The following ADGRL4 variants were observed in gnomAD, a reference collection of about 807,000 sequenced individuals.
The protein encoded by ADGRL4 is adhesion G protein-coupled receptor L4, also known as EGF, latrophilin and seven transmembrane domain containing 1.
In ADGRL4, 90 loss-of-function variants were observed where a neutral mutation model predicts 74.8. The observed-to-expected ratio is 1.20, with a 90% CI of 1.02 to 1.43. ADGRL4 has a LOEUF of 1.43. Ranked by LOEUF, ADGRL4 falls within the 40% of genes most tolerant of loss-of-function variation. The pLI, the probability that ADGRL4 is intolerant of heterozygous loss-of-function variation, is 0.00. For missense variants in ADGRL4, 881 were observed against 814.3 expected, an observed-to-expected ratio of 1.08 and a Z score of -1.00; for synonymous variants, 311 against 279.2, an observed-to-expected ratio of 1.11 and a Z score of -1.14.
chr1:79,006,111 A>G (rs12032432), intron 1 of ADGRL4, among the ~76,000 whole-genome samples: 60,153 of 152,108 alleles, frequency 0.4, 12,802 homozygotes, highest in Middle Eastern at 0.49. Context: ...GCATGAGGTC[A>G]TTGTTCTGAA....
chr1:78,962,679 T>C (rs563903242), intron 2 of ADGRL4, among the ~76,000 whole-genome samples: 2 of 152,202 alleles, frequency 1.3e-5, no homozygotes, highest in Non-Finnish European at 2.9e-5. Context: ...TTTTGTTTCA[T>C]ATATAGAGAT....
chr1:78,970,796 T>G (rs1218502031), intron 2 of ADGRL4, among the ~76,000 whole-genome samples: 2 of 152,202 alleles, frequency 1.3e-5, no homozygotes, highest in Non-Finnish European at 2.9e-5. Flanking sequence ...GTCTCAGTAC[T>G]ATGGGACACT....
chr1:78,931,602 G>A (rs759165046), intron 7 of ADGRL4, among the ~76,000 whole-genome samples: 1 of 151,314 alleles, frequency 6.6e-6, no homozygotes, highest in Non-Finnish European at 1.5e-5. Flanking sequence ...AGTGTAAGTA[G>A]GCTAAATGCC....
chr1:78,926,939 G>A lies in ADGRL4; in HGVS notation c.1030C>T (p.Pro344Ser). The A allele has an allele frequency of 6.2e-7, 1 of 1,611,998 alleles. No homozygotes were observed. Among genetic ancestry groups the A allele is most frequent in the Non-Finnish European group, 8.5e-7 (1 of 1,178,828 alleles). ...TTTTCAAGTTCATATAATGTGGGTG[G>A]GTTTGAGCTCATTGAGACTGAAATT... is the stretch of plus-strand genomic sequence containing the variant. ...SVISVSMSSNPPTLYELEKIT... is the reference protein window; with the variant it reads ...SVISVSMSSNSPTLYELEKIT... Residue 344 changes from proline to serine, a missense_variant, in exon 8 of 15, where the codon CCA becomes TCA. Pro to Ser is a moderately conservative substitution (Grantham distance 74, BLOSUM62 -1). Transcript: ENST00000370742.
chr1:78,937,427 A>G (rs550726853), intron 6 of ADGRL4, among the ~76,000 whole-genome samples: 2 of 152,374 alleles, frequency 1.3e-5, no homozygotes, highest in Admixed American at 1.3e-4. Flanking sequence ...CCTGGGTGAC[A>G]GAGCCAGACT....
chr1:78,997,697 T>C (rs1189111591), intron 2 of ADGRL4, among the ~76,000 whole-genome samples: 3 of 152,222 alleles, frequency 2.0e-5, no homozygotes, highest in Non-Finnish European at 4.4e-5. Flanking sequence ...CATCTAGGTG[T>C]TTATATTGTT....
At chr1:78,943,457 CA>C (rs1261281251) in intron 3 of ADGRL4, among the ~76,000 whole-genome samples, 8 of 152,252 alleles carry the variant, frequency 5.3e-5, no homozygotes, top group African/African-American at 1.7e-4. Context: ...CTTTCTGCAG[CA>C]AAATGAACTT....
chr1:78,913,939 T>C (rs1300116832), intron 12 of ADGRL4, among the ~76,000 whole-genome samples: 3 of 151,900 alleles, frequency 2.0e-5, no homozygotes, highest in Non-Finnish European at 4.4e-5. Flanking sequence ...ATTTGTTTAG[T>C]AGTTAATGAC....
At chr1:78,900,100 C>A (rs1648486915) in intron 12 of ADGRL4, among the ~76,000 whole-genome samples, 1 of 151,942 alleles carries the variant, frequency 6.6e-6, no homozygotes, top group Non-Finnish European at 1.5e-5. Flanking sequence ...GAAAAGACAC[C>A]AACAGCTGTT....
At chr1:78,962,698 T>A (rs116084154) in intron 2 of ADGRL4, among the ~76,000 whole-genome samples, 3,849 of 152,316 alleles carry the variant, frequency 0.025, 73 homozygotes, top group South Asian at 0.053. Flanking sequence ...ATGAAAATAG[T>A]TTTTATTTGC....
chr1:78,988,579 A>G lies in ADGRL4; in HGVS notation c.172+16491T>C, dbSNP rs1264876313. 2.0e-5 allele frequency among the ~76,000 whole-genome samples: 3 copies of G among 151,836 alleles called. No homozygotes were observed. The East Asian group carries it at 5.8e-4, about 29-fold the overall frequency. On this transcript the variant is annotated intron_variant, in intron 2 of 14. Coordinates refer to ENST00000370742, the MANE Select transcript of ADGRL4 (RefSeq NM_022159.4). ...AATCTATCTTTGTTCAAGATAAAAT[A>G]CTACACTGATGAATGCCTCAACAGC...
intron 2 of ADGRL4, among the ~76,000 whole-genome samples, chr1:78,976,436 CAAAA>C (rs1650283996): frequency 1.3e-5 from 2 of 151,264 alleles, no homozygotes; most frequent in African/African-American, 4.9e-5. Context: ...ATTAAGAAAA[CAAAA>C]TAAAATGAAA....
chr1:78,962,309 C>T (rs751377476), intron 2 of ADGRL4, among the ~76,000 whole-genome samples: 3 of 152,158 alleles, frequency 2.0e-5, no homozygotes, highest in Non-Finnish European at 4.4e-5. Context: ...GACACTCCTA[C>T]ATATTTTTTC....
At position 78,936,308 on chromosome 1, in the gene ADGRL4, T is replaced by C. The variant is rs571774997; in HGVS notation, c.864A>G (p.Ala288=). 1.4e-5 allele frequency: 22 copies of C among 1,594,148 alleles called. No individual in the cohort carries two copies. Among genetic ancestry groups the C allele is most frequent in the South Asian group, 4.6e-5 (4 of 87,252 alleles). ...TTAAAGTCCTACCATTTGAATCATA[T>C]GCAGCTTTTCTCTTTGGAAATATAT... is the stretch of plus-strand genomic sequence containing the variant. ...YINIFPKRKA[A]YDSNGNVAVA... Residue 288 remains alanine, a synonymous_variant, in exon 7 of 15, where the codon GCA becomes GCG. Coordinates refer to ENST00000370742, the MANE Select transcript of ADGRL4 (RefSeq NM_022159.4).
chr1:78,907,858 T>C (rs977471340), intron 12 of ADGRL4, among the ~76,000 whole-genome samples: 2 of 151,966 alleles, frequency 1.3e-5, no homozygotes, highest in African/African-American at 4.8e-5. Flanking sequence ...CATGCACTTC[T>C]AGGTAAAGTA....
At chr1:78,946,232 T>A in intron 3 of ADGRL4, 42 bp downstream of exon 3, 1 of 1,538,392 alleles carries the variant, frequency 6.5e-7, no homozygotes, top group South Asian at 1.3e-5. Flanking sequence ...TAACAAACAA[T>A]AAGAGATATA....
chr1:78,902,488 AGGTAATACAATTAGGG>A (rs371193403), intron 12 of ADGRL4, among the ~76,000 whole-genome samples: 2,598 of 152,250 alleles, frequency 0.017, 91 homozygotes, highest in African/African-American at 0.06. Context: ...AACTTGCCCA[AGGTAATACAATTAGGG>A]GGTAACAGAG....
chr1:78,983,201 C>T (rs1161214097), intron 2 of ADGRL4, among the ~76,000 whole-genome samples: 1 of 151,642 alleles, frequency 6.6e-6, no homozygotes, highest in African/African-American at 2.4e-5. Context: ...TAAGGAGTGC[C>T]AAAATAAATT....
chr1:78,918,143 T>C (rs1648918112), intron 10 of ADGRL4, 93 bp from the exon 11 acceptor site: 1 of 942,752 alleles, frequency 1.1e-6, no homozygotes, highest in East Asian at 2.6e-5. Flanking sequence ...AATCACAACT[T>C]TCTTTATACT....
Sources: gnomAD v4.1 joint callset for allele counts (sites outside exome capture counted in the v4.1 genomes callset) on GRCh38, gnomAD v4.1.1 for gene constraint, MANE v1.5 for transcripts, NCBI Gene and HGNC (gene_info 2026-07-23, HGNC 2026-07-21) for gene names.